Variants in GABBR2 observed in about 807,000 individuals in gnomAD.
GABBR2 encodes the protein G-protein coupled receptor 51.
In GABBR2, 23 loss-of-function variants were observed where a neutral mutation model predicts 105.6. That is an observed-to-expected ratio of 0.22 (90% CI 0.16 to 0.31). The LOEUF (loss-of-function observed/expected upper bound fraction) is 0.31, where lower values mean the gene tolerates loss of function less well. Among genes scored for constraint, GABBR2 ranks in the 10% least tolerant of loss-of-function variants. GABBR2 has a pLI of 1.00. For synonymous variants in GABBR2, 478 were observed against 499.7 expected (o/e 0.96, Z 0.58); for missense variants, 734 against 1,245.5 (o/e 0.59, Z 6.18).
rs1275174313 is a variant in GABBR2 at position 98,299,322 on chromosome 9, T to C, written c.2444A>G (p.Gln815Arg). Residue 815 changes from glutamine (Q) to arginine (R), a missense_variant, in exon 17 of 19, where the codon CAG becomes CGG. Gln to Arg is a conservative substitution (Grantham distance 43, BLOSUM62 1). Coordinates refer to ENST00000259455, the MANE Select transcript of GABBR2 (RefSeq NM_005458.8). ...LDKDLEEVTM[Q>R]LQDTPEKTTY... ...GGTCTTTTCTGGTGTGTCCTGCAGC[T>C]GCATGGTGACCTCTTCCAAGTCTTT... is the stretch of plus-strand genomic sequence containing the variant. 1.2e-6 allele frequency: 2 copies of C among 1,613,922 alleles called. No homozygotes were observed. Among genetic ancestry groups the C allele is most frequent in the South Asian group, 1.1e-5 (1 of 91,068 alleles).
At chr9:98,378,879 T>C (rs1479701800) in intron 11 of GABBR2, among the ~76,000 whole-genome samples, 2 of 152,210 alleles carry the variant, frequency 1.3e-5, no homozygotes, top group Non-Finnish European at 2.9e-5. Flanking sequence ...ACTTATAATA[T>C]ACATACTTTT....
rs1430625513 is a variant in GABBR2, at chr9:98,415,523, G to C, written c.1237-9382C>G. Among the ~76,000 whole-genome samples, 3 of 152,222 alleles carry C rather than the reference G, an allele frequency of 2.0e-5. No homozygotes were observed. The East Asian group carries it at 5.8e-4, about 29-fold the overall frequency. The stretch of plus-strand genomic sequence containing the variant: ...GCTGAACTTGGCCATTTTCTGGGAA[G>C]GGAAGCTGGGGCAAGCGCCTTTTCA... On this transcript the variant is annotated intron_variant, in intron 7 of 18. Transcript: ENST00000259455.
intron 2 of GABBR2, among the ~76,000 whole-genome samples, chr9:98,570,162 C>T (rs868817614): frequency 4.6e-5 from 7 of 152,336 alleles, no homozygotes; most frequent in Middle Eastern, 3.4e-3. Flanking sequence ...ACATGAACTT[C>T]TCCAAGGAGA....
chr9:98,472,186 T>G (rs16916325), intron 6 of GABBR2, among the ~76,000 whole-genome samples: 1 of 152,340 alleles, frequency 6.6e-6, no homozygotes, highest in East Asian at 1.9e-4. Context: ...AAAAGACTTA[T>G]GTGCATTGCT....
chr9:98,502,964 T>C (rs899772455), intron 3 of GABBR2, among the ~76,000 whole-genome samples: 6 of 152,232 alleles, frequency 3.9e-5, no homozygotes, highest in Non-Finnish European at 5.9e-5. Flanking sequence ...TCTCTTCTGT[T>C]TCAGGAACCG....
At chr9:98,687,114 G>A (rs1022786997) in intron 1 of GABBR2, among the ~76,000 whole-genome samples, 2 of 151,752 alleles carry the variant, frequency 1.3e-5, no homozygotes, top group Non-Finnish European at 2.9e-5. Context: ...CTAGACACTA[G>A]TTAAAGCAGT....
At chr9:98,429,242 C>A (rs1326282542) in intron 7 of GABBR2, among the ~76,000 whole-genome samples, 1 of 151,872 alleles carries the variant, frequency 6.6e-6, no homozygotes, top group East Asian at 2.0e-4. Context: ...CGAGTTCAAG[C>A]GATCCTCCTG....
At chr9:98,566,260 C>T (rs893101407) in intron 2 of GABBR2, among the ~76,000 whole-genome samples, 1 of 152,104 alleles carries the variant, frequency 6.6e-6, no homozygotes, top group African/African-American at 2.4e-5. Flanking sequence ...TACCAAGTTT[C>T]CAGGGGATCT....
chr9:98,602,023 CAG>C (rs1157340316), intron 1 of GABBR2, among the ~76,000 whole-genome samples: 1 of 152,024 alleles, frequency 6.6e-6, no homozygotes, highest in Non-Finnish European at 1.5e-5. Context: ...TTTTTTGAGA[CAG>C]AGTCTTGCTC....
At chr9:98,372,241 C>A (rs905426414) in intron 11 of GABBR2, among the ~76,000 whole-genome samples, 5 of 152,192 alleles carry the variant, frequency 3.3e-5, no homozygotes, top group African/African-American at 1.2e-4. Flanking sequence ...GTCTTAGGGG[C>A]CTCCAGGACG....
chr9:98,412,959 G>T (rs1040812685), intron 7 of GABBR2, among the ~76,000 whole-genome samples: 4 of 152,194 alleles, frequency 2.6e-5, no homozygotes, highest in Non-Finnish European at 5.9e-5. Context: ...AGACTTTATT[G>T]AATCTAAGCA....
intron 1 of GABBR2, among the ~76,000 whole-genome samples, chr9:98,594,922 A>T (rs1220671280): frequency 6.6e-6 from 1 of 152,226 alleles, no homozygotes; most frequent in Non-Finnish European, 1.5e-5. Context: ...GATCTCTTTC[A>T]GGCTGAGATC....
intron 1 of GABBR2, among the ~76,000 whole-genome samples, chr9:98,592,408 G>A (rs563805857): frequency 1.6e-4 from 24 of 152,198 alleles, no homozygotes; most frequent in African/African-American, 5.1e-4. Context: ...TTCTTTTTAC[G>A]CATTAGCCCA....
Position 98,341,833 on chromosome 9 carries a change from A to G in GABBR2, c.1893+20882T>C, listed in dbSNP as rs1250531964. ...GCTCTTGACAAAAGGTGAGGGTGTA[A>G]TATTAAATTAAATTGCAACTCGGCA... is the stretch of plus-strand genomic sequence containing the variant. On this transcript the variant is annotated intron_variant, in intron 13 of 18. Transcript: ENST00000259455. 3.9e-4 allele frequency among the ~76,000 whole-genome samples: 60 copies of G among 152,144 alleles called. 1 individual carries two copies. The highest frequency in any genetic ancestry group is 1.2e-4 in the Non-Finnish European group (8 of 68,032).
At chr9:98,634,031 G>C (rs370974170) in intron 1 of GABBR2, among the ~76,000 whole-genome samples, 27 of 152,298 alleles carry the variant, frequency 1.8e-4, no homozygotes, top group Non-Finnish European at 3.5e-4. Flanking sequence ...GCTGTCACAC[G>C]GGGCTGAGTG....
intron 2 of GABBR2, among the ~76,000 whole-genome samples, chr9:98,573,033 G>A (rs921398474): frequency 7.2e-5 from 11 of 152,150 alleles, no homozygotes; most frequent in South Asian, 2.1e-4. Flanking sequence ...ATGGTCCACC[G>A]CCCTCCCTGC....
At chr9:98,487,675 G>A (rs904646660) in intron 4 of GABBR2, among the ~76,000 whole-genome samples, 2 of 148,916 alleles carry the variant, frequency 1.3e-5, no homozygotes, top group African/African-American at 5.2e-5. Flanking sequence ...TTACTTGGGA[G>A]GCTGAGGTGG....
At chr9:98,687,378 G>A (rs2131875562) in intron 1 of GABBR2, among the ~76,000 whole-genome samples, 1 of 152,206 alleles carries the variant, frequency 6.6e-6, no homozygotes, top group South Asian at 2.1e-4. Flanking sequence ...TGAAGGACGA[G>A]GAATTTGATC....
In GABBR2 at chr9:98,406,067, A is replaced by C; in HGVS notation, c.1297+14T>G. On this transcript the variant is annotated intron_variant, in intron 8 of 18. Transcript: ENST00000259455. ...ATTTTATCAGCTAGAAAGAATAAGC[A>C]TCAAAATGCCTACCTTGAAATTGAG... is the stretch of plus-strand genomic sequence containing the variant. The C allele has an allele frequency of 6.9e-7, 1 of 1,444,424 alleles. No homozygotes were observed. The highest frequency in any genetic ancestry group is 9.7e-7 in the Non-Finnish European group (1 of 1,028,936). The allele number at this position is 1,444,424 out of a possible 1,614,324, so 89.5% of individuals were successfully genotyped here.
Sources: gnomAD v4.1 joint callset for allele counts (sites outside exome capture counted in the v4.1 genomes callset) on GRCh38, gnomAD v4.1.1 for gene constraint, MANE v1.5 for transcripts, NCBI Gene and HGNC (gene_info 2026-07-23, HGNC 2026-07-21) for gene names.